FICD: variants seen among roughly 807,000 people sequenced by gnomAD.
The protein encoded by FICD is protein adenylyltransferase FICD.
FICD carries 13 observed loss-of-function variants against 28.0 expected under a neutral mutation model. The ratio of observed to expected loss-of-function variants is 0.46; its 90% CI spans 0.30 to 0.74. FICD has a LOEUF of 0.74. Ranked by LOEUF, FICD falls within the 30% of genes least tolerant of loss-of-function variation. FICD has a pLI of 0.07. For missense variants in FICD, 576 were observed against 624.5 expected (o/e 0.92, Z 0.83); for synonymous variants, 268 against 266.4 (o/e 1.01, Z -0.06).
At position 108,519,548 on chromosome 12, in the gene FICD, T is replaced by G; in HGVS notation, c.*73T>G. 1 of 899,222 alleles carries G rather than the reference T, an allele frequency of 1.1e-6. No individual in the cohort carries two copies. The highest frequency in any genetic ancestry group is 1.6e-6 in the Non-Finnish European group (1 of 613,160). 55.7% of individuals were successfully genotyped at this position (899,222 alleles called of 1,614,324 possible). ...AAAAGAAACAGCATTTCTAGAAACC[T>G]AGTCACTTCCTAAAGCAAAAGGAGA... On this transcript the variant is annotated 3_prime_UTR_variant, in exon 3 of 3. Coordinates refer to ENST00000552695, the MANE Select transcript of FICD (RefSeq NM_007076.3). This position sits in a 1 kb window ranked among gnomAD's most constrained non-coding sequence, Gnocchi z 4.5.
In FICD at chr12:108,518,724, C is replaced by G; in HGVS notation, c.626C>G (p.Pro209Arg). Residue 209 changes from proline to arginine, a missense_variant, in exon 3 of 3, where the codon CCC becomes CGC. Coordinates refer to ENST00000552695, the MANE Select transcript of FICD (RefSeq NM_007076.3). This position sits in a 1 kb window ranked among gnomAD's most constrained non-coding sequence, Gnocchi z 4.4. ...AAAGTGAAGAAGGTCATGTCCATCC[C>G]CAAGGGGAACTCAGCTCTGCGCAGG... ...DSKVKKVMSI[P>R]KGNSALRRVM... is the part of the protein sequence containing the mutation. 1.2e-6 allele frequency: 2 copies of G among 1,614,168 alleles called. No individual in the cohort carries two copies. The highest frequency in any genetic ancestry group is 1.7e-6 in the Non-Finnish European group (2 of 1,180,028).
In FICD at chr12:108,518,013, T is replaced by A; in HGVS notation, c.302-387T>A. On this transcript the variant is annotated intron_variant, in intron 2 of 2. Coordinates refer to ENST00000552695, the MANE Select transcript of FICD (RefSeq NM_007076.3). The surrounding 1 kb of genome is among the most constrained non-coding windows in gnomAD (Gnocchi z 4.4). ...AGGAACCTGTGTCACCAGCACAAGA[T>A]GAGCTGGAGATGTAGGAGACGGCCT... 1.5e-6 allele frequency: 1 copy of A among 654,158 alleles called. No homozygotes were observed. The highest frequency in any genetic ancestry group is 2.8e-6 in the Non-Finnish European group (1 of 360,482). The allele number at this position is 654,158 out of a possible 1,614,324, so 40.5% of individuals were successfully genotyped here.
chr12:108,520,431 G>A lies in FICD; in HGVS notation c.*956G>A, dbSNP rs1397734290. The stretch of plus-strand genomic sequence containing the variant: ...TAAGCATTTTTGATAATGAATTAGA[G>A]CACCAGTTTCTACTGAATGGAGCAA... On this transcript the variant is annotated 3_prime_UTR_variant, in exon 3 of 3. Coordinates refer to ENST00000552695, the MANE Select transcript of FICD (RefSeq NM_007076.3). 2.0e-5 allele frequency: 3 copies of A among 152,162 alleles called. No homozygotes were observed. In the East Asian group the frequency reaches 5.8e-4, roughly 29 times the overall value. The allele number at this position is 152,162 out of a possible 1,614,324, so 9.4% of individuals were successfully genotyped here. A position where few individuals can be genotyped will look rare whatever the true frequency, so the allele number is the denominator to read the frequency against.
Position 108,517,190 on chromosome 12 carries a change from C to G in FICD, c.218C>G (p.Thr73Ser). ...SKPDRAQHAATKCTSPSTELS... is the reference protein window; with the variant it reads ...SKPDRAQHAASKCTSPSTELS... Reference sequence around the variant, plus strand: ...CCGGACAGGGCGCAGCATGCCGCCACCAAGTGCACCAGCCCGTCCACGGAG... The same window carrying G: ...CCGGACAGGGCGCAGCATGCCGCCAGCAAGTGCACCAGCCCGTCCACGGAG... Residue 73 changes from threonine to serine, a missense_variant, in exon 2 of 3, where the codon ACC (threonine) becomes AGC (serine). Transcript: ENST00000552695. The G allele has an allele frequency of 6.3e-7, 1 of 1,592,904 alleles. No homozygotes were observed.
Position 108,518,781 on chromosome 12 carries a change from A to G in FICD, c.683A>G (p.Tyr228Cys). The G allele has an allele frequency of 6.2e-7, 1 of 1,614,144 alleles. No individual in the cohort carries two copies. The highest frequency in any genetic ancestry group is 1.3e-5 in the African/African-American group (1 of 75,046). The change falls in exon 3 of 3, where the codon TAC becomes TGC. Residue 228 changes from tyrosine to cysteine, a missense_variant. Transcript: ENST00000552695. This position sits in a 1 kb window ranked among gnomAD's most constrained non-coding sequence, Gnocchi z 4.4. ...VMEETYYHHI[Y>C]HTVAIEGNTL... is the part of the protein sequence containing the mutation. Reference sequence around the variant, plus strand: ...GAGGAGACCTACTACCATCACATCTACCACACAGTGGCCATCGAGGGCAAC... The same window carrying G: ...GAGGAGACCTACTACCATCACATCTGCCACACAGTGGCCATCGAGGGCAAC...
Position 108,518,922 on chromosome 12 carries a change from A to G in FICD, c.824A>G (p.Asn275Ser). ...ATGCATGCAGCCATGAAGTACATCA[A>G]CACGACTCTGGTTTCGCGCATCGGC... Reference protein sequence around the residue: ...IGMHAAMKYINTTLVSRIGSV... With the variant: ...IGMHAAMKYISTTLVSRIGSV... The change falls in exon 3 of 3, where the codon AAC (asparagine) becomes AGC (serine). Residue 275 changes from asparagine (N) to serine (S), a missense_variant. By Grantham distance (46) the Asn-to-Ser change is conservative (BLOSUM62 1). Transcript: ENST00000552695. This position sits in a 1 kb window ranked among gnomAD's most constrained non-coding sequence, Gnocchi z 4.4. The G allele has an allele frequency of 1.2e-6, 2 of 1,612,934 alleles. No individual in the cohort carries two copies. Among genetic ancestry groups the G allele is most frequent in the South Asian group, 2.2e-5 (2 of 91,028 alleles).
In FICD at chr12:108,519,842, C is replaced by G. The variant is rs1240278305; in HGVS notation, c.*367C>G. 5.8e-6 allele frequency: 1 copy of G among 172,702 alleles called. No homozygotes were observed. The highest frequency in any genetic ancestry group is 5.9e-5 in the Admixed American group (1 of 16,828). 10.7% of individuals were successfully genotyped at this position (172,702 alleles called of 1,614,324 possible). On this transcript the variant is annotated 3_prime_UTR_variant, in exon 3 of 3. Transcript: ENST00000552695. The surrounding 1 kb of genome is among the most constrained non-coding windows in gnomAD (Gnocchi z 4.5). Reference sequence around the variant, plus strand: ...AAGAGGTGTGGGACGGGGCCCAGAGCCACTGACATAACTCCTCCAAGTGCT... The same window carrying G: ...AAGAGGTGTGGGACGGGGCCCAGAGGCACTGACATAACTCCTCCAAGTGCT...
rs763501229 is a variant in FICD, at chr12:108,519,243, T to G, written c.1145T>G (p.Met382Arg). 6.2e-6 allele frequency: 10 copies of G among 1,614,222 alleles called. No individual in the cohort carries two copies. Among genetic ancestry groups the G allele is most frequent in the Non-Finnish European group, 6.8e-6 (8 of 1,180,026 alleles). ...CGTCTGCTCATGAACCTCATCCTCA[T>G]GCAGGCGGGCTACCCGCCCATCACC... is the stretch of plus-strand genomic sequence containing the variant. Reference protein sequence around the residue: ...TSRLLMNLILMQAGYPPITIR... With the variant: ...TSRLLMNLILRQAGYPPITIR... Residue 382 changes from methionine to arginine, a missense_variant, in exon 3 of 3, where the codon ATG (methionine) becomes AGG (arginine). Physicochemically the swap from Met to Arg is moderately conservative, Grantham distance 91. Coordinates refer to ENST00000552695, the MANE Select transcript of FICD (RefSeq NM_007076.3). The surrounding 1 kb of genome is among the most constrained non-coding windows in gnomAD (Gnocchi z 4.5).
rs1872058619 is a variant in FICD, at chr12:108,520,026, CCTTA to C, written c.*557_*560del. On this transcript the variant is annotated 3_prime_UTR_variant, in exon 3 of 3. Transcript: ENST00000552695. ...AGAAGAGAAAATGAATGCCGACATT[CCTTA>C]CTTACCTGCAGGAAGACTTTTTGAG... The C allele has an allele frequency of 6.6e-6, 1 of 151,134 alleles. No individual in the cohort carries two copies. Among genetic ancestry groups the C allele is most frequent in the African/African-American group, 2.4e-5 (1 of 41,090 alleles). 9.4% of individuals were successfully genotyped at this position (151,134 alleles called of 1,614,324 possible).
At position 108,520,366 on chromosome 12, in the gene FICD, G is replaced by C. The variant is rs1872071382; in HGVS notation, c.*891G>C. On this transcript the variant is annotated 3_prime_UTR_variant, in exon 3 of 3. Transcript: ENST00000552695. ...CCTCTGCCTGAGTTTTCTGTAGGCA[G>C]ATGTTAACCTGAGAAAACAAGTGCC... The C allele has an allele frequency of 6.6e-6, 1 of 152,144 alleles. No homozygotes were observed. The highest frequency in any genetic ancestry group is 2.1e-4 in the South Asian group (1 of 4,822). The allele number at this position is 152,144 out of a possible 1,614,324, so 9.4% of individuals were successfully genotyped here.
chr12:108,517,948 AAGAGTGGG>A (rs1182292087), intron 2 of FICD, among the ~76,000 whole-genome samples: 1 of 152,148 alleles, frequency 6.6e-6, no homozygotes, highest in Non-Finnish European at 1.5e-5. Context: ...AGGGTCTAGG[AAGAGTGGG>A]GAGTTGTTAA....
chr12:108,518,845 C>T lies in FICD; in HGVS notation c.747C>T (p.Thr249=). ...TLSEIRHILE[T]RYAVPGKSLE... ...CGGAAATCAGGCACATCCTGGAGAC[C>T]CGCTACGCCGTGCCCGGGAAGAGCC... The change falls in exon 3 of 3, where the codon ACC becomes ACT. Residue 249 remains threonine (T), a synonymous_variant. Coordinates refer to ENST00000552695, the MANE Select transcript of FICD (RefSeq NM_007076.3). The surrounding 1 kb of genome is among the most constrained non-coding windows in gnomAD (Gnocchi z 4.4). 6.2e-7 allele frequency: 1 copy of T among 1,614,174 alleles called. No homozygotes were observed. Among genetic ancestry groups the T allele is most frequent in the Non-Finnish European group, 8.5e-7 (1 of 1,180,030 alleles).
chr12:108,517,274 G>A lies in FICD; in HGVS notation c.301+1G>A, dbSNP rs774050555. ...GTGGCCAAGACCAAGGCCTCTCCAG[G>A]TAAGACAGACTGGCCGTCTTCCTCA... On this transcript the variant is annotated splice_donor_variant, in intron 2 of 2. Transcript: ENST00000552695. LOFTEE classifies it high-confidence loss of function. The A allele has an allele frequency of 6.6e-6, 10 of 1,511,488 alleles. No individual in the cohort carries two copies. The African/African-American group carries it at 1.2e-4, about 19-fold the overall frequency. 93.6% of individuals were successfully genotyped at this position (1,511,488 alleles called of 1,614,324 possible).
rs778089175 is a variant in FICD at position 108,517,131 on chromosome 12, T to A, written c.159T>A (p.Ala53=). 1 of 1,609,400 alleles carries A rather than the reference T, an allele frequency of 6.2e-7. No homozygotes were observed. The highest frequency in any genetic ancestry group is 1.3e-5 in the African/African-American group (1 of 74,906). ...PLGAVEEQCL[A]VLKGLYLLRS... ...GGGCTGTGGAGGAGCAGTGCTTGGC[T>A]GTGCTCAAAGGCCTCTACCTGCTCA... The change falls in exon 2 of 3, where the codon GCT becomes GCA. Residue 53 remains alanine (A), a synonymous_variant. Coordinates refer to ENST00000552695, the MANE Select transcript of FICD (RefSeq NM_007076.3).
Position 108,516,956 on chromosome 12 carries a change from CCCTCT to C in FICD, c.-13_-9del. ...GCCGCCTGTGGACATGCGCAAAGGG[CCCTCT>C]CCTGAGTCCAGATGATGCTCATACC... On this transcript the variant is annotated 5_prime_UTR_variant, in exon 2 of 3. It introduces an in-frame stop codon into an upstream open reading frame of the 5' UTR. Coordinates refer to ENST00000552695, the MANE Select transcript of FICD (RefSeq NM_007076.3). The C allele has an allele frequency of 6.9e-7, 1 of 1,458,840 alleles. No individual in the cohort carries two copies. The highest frequency in any genetic ancestry group is 9.1e-7 in the Non-Finnish European group (1 of 1,096,496). 90.4% of individuals were successfully genotyped at this position (1,458,840 alleles called of 1,614,324 possible).
In FICD at chr12:108,518,685, GCAT is replaced by G. The variant is rs752117018; in HGVS notation, c.592_594del (p.Ile198del). On this transcript the variant is annotated inframe_deletion, in exon 3 of 3. Transcript: ENST00000552695. This position sits in a 1 kb window ranked among gnomAD's most constrained non-coding sequence, Gnocchi z 4.4. ...GAAGAGATCGACCAGAGGTATTTCAGCATCATCGACAGCAAAGTGAAGAAGGTC... is the reference window on the plus strand; with the variant it reads ...GAAGAGATCGACCAGAGGTATTTCAGCATCGACAGCAAAGTGAAGAAGGTC... 4.3e-6 allele frequency: 7 copies of G among 1,614,088 alleles called. No individual in the cohort carries two copies. Among genetic ancestry groups the G allele is most frequent in the Non-Finnish European group, 5.1e-6 (6 of 1,180,048 alleles).
intron 1 of FICD, among the ~76,000 whole-genome samples, 187 bp downstream of exon 1, chr12:108,515,548 C>T (rs889216126): frequency 2.0e-5 from 3 of 152,100 alleles, no homozygotes; most frequent in Admixed American, 2.0e-4. Context: ...AGATTCGCGC[C>T]TCCCAGAACG....
In FICD at chr12:108,519,384, T is replaced by C. The variant is rs772584306; in HGVS notation, c.1286T>C (p.Leu429Pro). 6.2e-7 allele frequency: 1 copy of C among 1,614,114 alleles called. No homozygotes were observed. The highest frequency in any genetic ancestry group is 8.5e-7 in the Non-Finnish European group (1 of 1,180,014). ...AKCTETTLDT[L>P]LFATTEYSVA... ...TGTACTGAGACCACCCTGGACACCCTGCTTTTTGCCACAACTGAGTACTCG... is the reference window on the plus strand; with the variant it reads ...TGTACTGAGACCACCCTGGACACCCCGCTTTTTGCCACAACTGAGTACTCG... The change falls in exon 3 of 3, where the codon CTG becomes CCG. Residue 429 changes from leucine (L) to proline (P), a missense_variant. Coordinates refer to ENST00000552695, the MANE Select transcript of FICD (RefSeq NM_007076.3). The surrounding 1 kb of genome is among the most constrained non-coding windows in gnomAD (Gnocchi z 4.5).
In FICD at chr12:108,518,049, C is replaced by A; in HGVS notation, c.302-351C>A. 1.4e-6 allele frequency: 1 copy of A among 690,366 alleles called. No individual in the cohort carries two copies. The highest frequency in any genetic ancestry group is 1.5e-5 in the South Asian group (1 of 65,894). 42.8% of individuals were successfully genotyped at this position (690,366 alleles called of 1,614,324 possible). A position where few individuals can be genotyped will look rare whatever the true frequency, so the allele number is the denominator to read the frequency against. ...TGTAGGAGACGGCCTACACTGGGAG[C>A]TGTGGCCCACAGGAAAGGCCCAGCA... On this transcript the variant is annotated intron_variant, in intron 2 of 2. Transcript: ENST00000552695. The surrounding 1 kb of genome is among the most constrained non-coding windows in gnomAD (Gnocchi z 4.4).
Sources: allele counts gnomAD v4.1 joint callset (sites outside exome capture counted in the v4.1 genomes callset), GRCh38; gene constraint gnomAD v4.1.1; non-coding constraint Gnocchi (gnomAD v3.1); transcripts MANE v1.5; gene names NCBI Gene and HGNC (gene_info 2026-07-23, HGNC 2026-07-21).